Variants in IRAK1BP1 observed in about 807,000 individuals in gnomAD.
The protein encoded by IRAK1BP1 is interleukin 1 receptor associated kinase 1 binding protein 1.
In IRAK1BP1, 24 loss-of-function variants were observed where a neutral mutation model predicts 28.0. The ratio of observed to expected loss-of-function variants is 0.86; its 90% CI spans 0.62 to 1.20. IRAK1BP1 has a LOEUF of 1.20. Ranked by LOEUF, IRAK1BP1 falls within the 50% of genes most tolerant of loss-of-function variation. The pLI is 0.00. For missense variants in IRAK1BP1, 336 were observed against 316.7 expected (o/e 1.06, Z -0.46); for synonymous variants, 131 against 116.3 (o/e 1.13, Z -0.81).
chr6:78,940,791 G>A, intron 4 of IRAK1BP1: 1 of 1,613,774 alleles, frequency 6.2e-7, no homozygotes, highest in South Asian at 1.1e-5. Flanking sequence ...TCGAACAACA[G>A]CTGCCTTTGC....
At chr6:78,918,296 C>CA (rs1188431044) in intron 4 of IRAK1BP1, among the ~76,000 whole-genome samples, 7 of 149,942 alleles carry the variant, frequency 4.7e-5, no homozygotes, top group South Asian at 2.1e-4. Context: ...GACCCTGTCT[C>CA]AAAAAAAAAT....
the IRAK1BP1 span, among the ~76,000 whole-genome samples, chr6:78,967,750 C>T: frequency 1.0e-3 from 154 of 152,228 alleles, no homozygotes; most frequent in Middle Eastern, 0.017. Flanking sequence ...CATTACTTTG[C>T]CAAGGTTATG....
the IRAK1BP1 span, among the ~76,000 whole-genome samples, chr6:78,972,564 A>G: frequency 5.3e-5 from 8 of 152,344 alleles, no homozygotes; most frequent in Admixed American, 1.3e-4. Context: ...AAGGCTTCAG[A>G]CGATCAAATT....
Position 78,871,786 on chromosome 6 carries a change from G to C in IRAK1BP1, c.315+3895G>C. 9.1e-6 allele frequency: 3 copies of C among 329,346 alleles called. No homozygotes were observed. The East Asian group carries it at 1.8e-4, about 19-fold the overall frequency. 20.4% of individuals were successfully genotyped at this position (329,346 alleles called of 1,614,324 possible). ...ATGCTCTTAACCACTACAGGATGTT[G>C]CTTCTTTATTCTCTTGACAGTGGAT... is the stretch of plus-strand genomic sequence containing the variant. On this transcript the variant is annotated intron_variant, in intron 1 of 3. Transcript: ENST00000369940.
chr6:78,897,142 A>C (rs1212347189), intron 2 of IRAK1BP1, among the ~76,000 whole-genome samples: 4 of 150,304 alleles, frequency 2.7e-5, no homozygotes, highest in African/African-American at 9.8e-5. Context: ...AGCCCTTCCT[A>C]CTTGGAAGGC....
chr6:78,878,908 A>C (rs938481274), intron 1 of IRAK1BP1, among the ~76,000 whole-genome samples: 3 of 152,206 alleles, frequency 2.0e-5, no homozygotes, highest in Non-Finnish European at 4.4e-5. Flanking sequence ...TCAGTGGTGG[A>C]AGATCAAATG....
intron 4 of IRAK1BP1, among the ~76,000 whole-genome samples, chr6:78,930,804 C>T (rs927539081): frequency 5.3e-5 from 8 of 151,702 alleles, no homozygotes; most frequent in East Asian, 1.9e-4. Context: ...AGGTGGTGAG[C>T]GCTTGTAGTC....
chr6:78,928,310 G>A lies in IRAK1BP1; in HGVS notation c.*68-17098G>A, dbSNP rs187089278. 1.5e-3 allele frequency among the ~76,000 whole-genome samples: 232 copies of A among 151,770 alleles called. 1 individual carries two copies. Among genetic ancestry groups the A allele is most frequent in the African/African-American group, 5.4e-3 (224 of 41,402 alleles). ...GGATTATTTGTTTGACTTCTTTTTCGGATTGTTCACTGTTGGCATACAGAA... is the reference window on the plus strand; with the variant it reads ...GGATTATTTGTTTGACTTCTTTTTCAGATTGTTCACTGTTGGCATACAGAA... On this transcript the variant is annotated intron_variant and NMD_transcript_variant, in intron 4 of 4. Coordinates refer to the IRAK1BP1 transcript ENST00000606868.
At chr6:78,961,636 G>C in the IRAK1BP1 span, 223 of 1,573,352 alleles carry the variant, frequency 1.4e-4, 1 homozygote, top group Admixed American at 2.7e-3. Context: ...TCAGTAAATG[G>C]GTGGAAAGAT....
chr6:78,971,182 C>T, the IRAK1BP1 span, among the ~76,000 whole-genome samples: 3 of 152,238 alleles, frequency 2.0e-5, no homozygotes, highest in Non-Finnish European at 4.4e-5. Context: ...TGCATAATAA[C>T]GTTGACTAAT....
At chr6:78,962,686 C>A in the IRAK1BP1 span, among the ~76,000 whole-genome samples, 2 of 152,240 alleles carry the variant, frequency 1.3e-5, no homozygotes, top group East Asian at 3.9e-4. Flanking sequence ...CTCCTCTCCC[C>A]TTAAGAAGAT....
chr6:78,935,449 C>T (rs1562105251), intron 4 of IRAK1BP1: 1 of 950,140 alleles, frequency 1.1e-6, no homozygotes, highest in East Asian at 1.2e-4. Flanking sequence ...TCCATCATTC[C>T]TTTTTTCCCA....
chr6:78,904,291 A>C (rs1026938352), downstream of IRAK1BP1, among the ~76,000 whole-genome samples: 1 of 152,218 alleles, frequency 6.6e-6, no homozygotes, highest in Non-Finnish European at 1.5e-5. Context: ...ACCTATGTTC[A>C]TTTCAAGCTT....
the IRAK1BP1 span, among the ~76,000 whole-genome samples, chr6:78,952,953 T>C: frequency 1.3e-5 from 2 of 152,132 alleles, no homozygotes; most frequent in African/African-American, 4.8e-5. Flanking sequence ...AATAATCTAT[T>C]ACTCAAATTT....
the IRAK1BP1 span, chr6:78,961,897 G>T: frequency 9.9e-7 from 1 of 1,014,896 alleles, no homozygotes; most frequent in Non-Finnish European, 1.4e-6. Flanking sequence ...GACTTAAAAA[G>T]TCCTAATCTA....
downstream of IRAK1BP1, among the ~76,000 whole-genome samples, chr6:78,950,460 A>C (rs1774081321): frequency 6.6e-6 from 1 of 152,304 alleles, no homozygotes; most frequent in South Asian, 2.1e-4. Flanking sequence ...TCTCCAGTGA[A>C]GCCATCCAGG....
the IRAK1BP1 span, among the ~76,000 whole-genome samples, chr6:78,959,733 A>G: frequency 1.3e-5 from 2 of 152,140 alleles, no homozygotes; most frequent in Non-Finnish European, 2.9e-5. Context: ...TTTTTCCTAA[A>G]TTGGCTACAA....
intron 1 of IRAK1BP1, among the ~76,000 whole-genome samples, chr6:78,878,499 C>G (rs1771094811): frequency 6.6e-6 from 1 of 152,112 alleles, no homozygotes; most frequent in Non-Finnish European, 1.5e-5. Context: ...TGTACGTCAC[C>G]ATCATCAAAG....
In IRAK1BP1 at chr6:78,871,284, A is replaced by G. The variant is rs946860017; in HGVS notation, c.315+3393A>G. On this transcript the variant is annotated intron_variant, in intron 1 of 3. Coordinates refer to ENST00000369940, the MANE Select transcript of IRAK1BP1 (RefSeq NM_001010844.4). ...CCTCCCTCACAAAAGTGTTTCGGTC[A>G]CTCAGGATGCATATCTAAGTTCTAG... The G allele has an allele frequency of 4.2e-5, 41 of 985,328 alleles. No individual in the cohort carries two copies. In the Middle Eastern group the frequency reaches 1.6e-3, roughly 38 times the overall value. The allele number at this position is 985,328 out of a possible 1,614,324, so 61.0% of individuals were successfully genotyped here.
Sources: gnomAD v4.1 joint callset for allele counts (sites outside exome capture counted in the v4.1 genomes callset) on GRCh38, gnomAD v4.1.1 for gene constraint, MANE v1.5 for transcripts, NCBI Gene and HGNC (gene_info 2026-07-23, HGNC 2026-07-21) for gene names.